Variants in AQR observed in about 807,000 individuals in gnomAD.
AQR encodes the protein aquarius intron-binding spliceosomal factor, also known as RNA helicase aquarius.
A neutral mutation model predicts 180.5 loss-of-function variants in AQR; 61 were observed. The ratio of observed to expected loss-of-function variants is 0.34; its 90% CI spans 0.28 to 0.42. The LOEUF (loss-of-function observed/expected upper bound fraction) is 0.42. AQR is among the 10% of genes least tolerant of loss of function. AQR has a pLI of 1.00. For synonymous variants in AQR, 551 were observed against 588.8 expected (o/e 0.94, Z 0.93); for missense variants, 1,281 against 1,798.3 (o/e 0.71, Z 5.20).
At chr15:34,953,808 T>C (rs564718418) in intron 3 of AQR, among the ~76,000 whole-genome samples, 1 of 152,224 alleles carries the variant, frequency 6.6e-6, no homozygotes, top group Non-Finnish European at 1.5e-5. Context: ...CAGTCACAAA[T>C]AGGACCTCAT....
intron 2 of AQR, among the ~76,000 whole-genome samples, chr15:34,963,319 C>A (rs1432051110): frequency 6.6e-6 from 1 of 152,006 alleles, no homozygotes; most frequent in African/African-American, 2.4e-5. Context: ...GAGAATTAAC[C>A]CTATATTTGG....
Position 34,969,658 on chromosome 15 carries a change from C to T in AQR, c.-45G>A. The T allele has an allele frequency of 1.9e-6, 3 of 1,596,340 alleles. No individual in the cohort carries two copies. Among genetic ancestry groups the T allele is most frequent in the Non-Finnish European group, 2.6e-6 (3 of 1,172,826 alleles). ...CTCCAGTGGAAACTAAAGGACCGCTCTGGGCAGCGGCAACCCTGGTCCACT... is the reference window on the plus strand; with the variant it reads ...CTCCAGTGGAAACTAAAGGACCGCTTTGGGCAGCGGCAACCCTGGTCCACT... On this transcript the variant is annotated 5_prime_UTR_variant, in exon 1 of 35. Transcript: ENST00000156471.
At chr15:34,893,607 G>GCATGCA in intron 23 of AQR, 56 bp downstream of exon 23, 1 of 997,688 alleles carries the variant, frequency 1.0e-6, no homozygotes, top group South Asian at 1.5e-5. Context: ...GCGCATGCGT[G>GCATGCA]CACACACACA....
rs1892858569 is a variant in AQR at position 34,874,011 on chromosome 15, CA to C, written c.3426-13del. Reference sequence around the variant, plus strand: ...AGAGGTTGCACAAGCTTTCCAAAGACAAATTCCCCCACAAACAGAAAATATT... The same window carrying C: ...AGAGGTTGCACAAGCTTTCCAAAGACAATTCCCCCACAAACAGAAAATATT... On this transcript the variant is annotated splice_polypyrimidine_tract_variant and intron_variant, in intron 29 of 34. Coordinates refer to ENST00000156471, the MANE Select transcript of AQR (RefSeq NM_014691.3). 6.3e-7 allele frequency: 1 copy of C among 1,581,398 alleles called. No homozygotes were observed. Among genetic ancestry groups the C allele is most frequent in the African/African-American group, 1.4e-5 (1 of 73,730 alleles).
At chr15:34,932,538 AC>A in intron 10 of AQR, 104 bp from the exon 11 acceptor site, 1 of 787,808 alleles carries the variant, frequency 1.3e-6, no homozygotes, top group East Asian at 2.6e-5. Context: ...CATACAAGGT[AC>A]CCTCCAACCT....
chr15:34,946,744 G>C (rs1191084721), intron 5 of AQR, among the ~76,000 whole-genome samples: 1 of 141,324 alleles, frequency 7.1e-6, no homozygotes, highest in Non-Finnish European at 1.6e-5. Flanking sequence ...CGCCCCGTCC[G>C]GGAGGGAGGG....
In AQR at chr15:34,855,927, A is replaced by G. The variant is rs1892581007; in HGVS notation, c.*865T>C. On this transcript the variant is annotated 3_prime_UTR_variant, in exon 35 of 35. Transcript: ENST00000156471. ...TGTGGCTGGTTATCCCAAGAAAAAT[A>G]AGGCAGAAAACTCAGAATTTCTGCC... 6.6e-6 allele frequency: 1 copy of G among 152,220 alleles called. No individual in the cohort carries two copies. Among genetic ancestry groups the G allele is most frequent in the Non-Finnish European group, 1.5e-5 (1 of 68,032 alleles). 9.4% of individuals were successfully genotyped at this position (152,220 alleles called of 1,614,324 possible). A position where few individuals can be genotyped will look rare whatever the true frequency, so the allele number is the denominator to read the frequency against.
intron 5 of AQR, among the ~76,000 whole-genome samples, chr15:34,947,400 G>C (rs1281599603): frequency 6.7e-6 from 1 of 149,290 alleles, no homozygotes; most frequent in East Asian, 2.0e-4. Context: ...CTCTGCCTAG[G>C]AAAACCAGAG....
chr15:34,880,972 T>G (rs569480118), intron 27 of AQR, among the ~76,000 whole-genome samples: 2 of 152,166 alleles, frequency 1.3e-5, no homozygotes, highest in Admixed American at 1.3e-4. Context: ...ATCAAAAATA[T>G]AGAAAACCTA....
In AQR at chr15:34,855,587, A is replaced by C. The variant is rs1462119629; in HGVS notation, c.*1205T>G. The C allele has an allele frequency of 1.3e-5, 2 of 149,020 alleles. No individual in the cohort carries two copies. Among genetic ancestry groups the C allele is most frequent in the African/African-American group, 5.0e-5 (2 of 40,150 alleles). The allele number at this position is 149,020 out of a possible 1,614,324, so 9.2% of individuals were successfully genotyped here. On this transcript the variant is annotated 3_prime_UTR_variant, in exon 35 of 35. Coordinates refer to ENST00000156471, the MANE Select transcript of AQR (RefSeq NM_014691.3). ...CCATGCCCAGGGACCTTGTAAGCAG[A>C]GGTCCCTTGTCAGAAAACATTAGTC... is the stretch of plus-strand genomic sequence containing the variant.
Position 34,853,965 on chromosome 15 carries a change from T to G in AQR, c.*2827A>C, listed in dbSNP as rs1442908971. On this transcript the variant is annotated 3_prime_UTR_variant, in exon 35 of 35. Transcript: ENST00000156471. ...TGCTGTCTCTTGATCATTACAAAATTTCATTTGTTTACAGGAGCACAAATG... is the reference window on the plus strand; with the variant it reads ...TGCTGTCTCTTGATCATTACAAAATGTCATTTGTTTACAGGAGCACAAATG... The G allele has an allele frequency of 6.6e-6, 1 of 152,148 alleles. No homozygotes were observed. The highest frequency in any genetic ancestry group is 1.5e-5 in the Non-Finnish European group (1 of 68,032). The allele number at this position is 152,148 out of a possible 1,614,324, so 9.4% of individuals were successfully genotyped here. A position where few individuals can be genotyped will look rare whatever the true frequency, so the allele number is the denominator to read the frequency against.
Position 34,944,415 on chromosome 15 carries a change from T to A in AQR, c.344A>T (p.Lys115Met), listed in dbSNP as rs769402240. ...NVPAWEIFKK[K>M]PDHFPFFFKH... Reference sequence around the variant, plus strand: ...AAAAAAGAATGGGAAGTGGTCTGGCTTCTTCTTAAAAATCTGAAAAGAAAC... The same window carrying A: ...AAAAAAGAATGGGAAGTGGTCTGGCATCTTCTTAAAAATCTGAAAAGAAAC... The change falls in exon 6 of 35, where the codon AAG (lysine) becomes ATG (methionine). Residue 115 changes from lysine to methionine, a missense_variant. Lys to Met is a moderately conservative substitution (Grantham distance 95, BLOSUM62 -1). Coordinates refer to ENST00000156471, the MANE Select transcript of AQR (RefSeq NM_014691.3). 6.3e-7 allele frequency: 1 copy of A among 1,595,174 alleles called. No homozygotes were observed. The highest frequency in any genetic ancestry group is 1.8e-5 in the Admixed American group (1 of 54,436).
At chr15:34,905,912 C>T (rs898229489) in intron 18 of AQR, among the ~76,000 whole-genome samples, 3 of 152,054 alleles carry the variant, frequency 2.0e-5, no homozygotes, top group Non-Finnish European at 4.4e-5. Flanking sequence ...TGGCAGGCAC[C>T]TGTAATCCCA....
rs1390482780 is a variant in AQR, at chr15:34,890,202, C to G, written c.2681+13G>C. ...ATCCTTTTTTACACTGTTACTCACT[C>G]CCATTTGCTCACCTGCTGAAATCTT... On this transcript the variant is annotated intron_variant, in intron 24 of 34. Coordinates refer to ENST00000156471, the MANE Select transcript of AQR (RefSeq NM_014691.3). 3 of 1,603,796 alleles carry G rather than the reference C, an allele frequency of 1.9e-6. No individual in the cohort carries two copies. Among genetic ancestry groups the G allele is most frequent in the Non-Finnish European group, 2.6e-6 (3 of 1,174,590 alleles).
intron 10 of AQR, among the ~76,000 whole-genome samples, chr15:34,934,180 G>T (rs1893909671): frequency 6.6e-6 from 1 of 150,874 alleles, no homozygotes; most frequent in Non-Finnish European, 1.5e-5. Flanking sequence ...AAAGGGAAAA[G>T]AAAAAGAATT....
At chr15:34,957,725 A>AAT (rs1422170144) in intron 3 of AQR, among the ~76,000 whole-genome samples, 3,567 of 104,704 alleles carry the variant, frequency 0.034, 71 homozygotes, top group Middle Eastern at 0.1. Context: ...AAAAACATAA[A>AAT]AATAATAATA....
chr15:34,909,634 C>T (rs1893471046), intron 17 of AQR, among the ~76,000 whole-genome samples: 1 of 152,166 alleles, frequency 6.6e-6, no homozygotes, highest in African/African-American at 2.4e-5. Context: ...TTAAGCTTGC[C>T]TAATTTTTAT....
chr15:34,965,545 C>A (rs1488749410), intron 1 of AQR, among the ~76,000 whole-genome samples: 3 of 152,114 alleles, frequency 2.0e-5, no homozygotes, highest in Middle Eastern at 3.2e-3. Flanking sequence ...GTGGTGTGCA[C>A]CTATAATTCC....
At position 34,944,413 on chromosome 15, in the gene AQR, GCTT is replaced by G; in HGVS notation, c.343_345del (p.Lys115del). 1 of 1,594,118 alleles carries G rather than the reference GCTT, an allele frequency of 6.3e-7. No homozygotes were observed. The highest frequency in any genetic ancestry group is 8.5e-7 in the Non-Finnish European group (1 of 1,174,184). On this transcript the variant is annotated inframe_deletion, in exon 6 of 35. Coordinates refer to ENST00000156471, the MANE Select transcript of AQR (RefSeq NM_014691.3). Reference sequence around the variant, plus strand: ...TTAAAAAAGAATGGGAAGTGGTCTGGCTTCTTCTTAAAAATCTGAAAAGAAACA... The same window carrying G: ...TTAAAAAAGAATGGGAAGTGGTCTGGCTTCTTAAAAATCTGAAAAGAAACA...
Sources: gnomAD v4.1 joint callset for allele counts (sites outside exome capture counted in the v4.1 genomes callset) on GRCh38, gnomAD v4.1.1 for gene constraint, MANE v1.5 for transcripts, NCBI Gene and HGNC (gene_info 2026-07-23, HGNC 2026-07-21) for gene names.